Variants in ZBTB46 observed in about 807,000 individuals in gnomAD.
ZBTB46 encodes zinc finger and BTB domain containing 46.
A neutral mutation model predicts 44.1 loss-of-function variants in ZBTB46; 8 were observed. That is an observed-to-expected ratio of 0.18 (90% CI 0.11 to 0.33). The LOEUF (loss-of-function observed/expected upper bound fraction) is 0.33, where lower values mean the gene tolerates loss of function less well. ZBTB46 is among the 10% of genes least tolerant of loss of function. ZBTB46 has a pLI of 1.00. For missense variants in ZBTB46, 651 were observed against 847.7 expected, an observed-to-expected ratio of 0.77 and a Z score of 2.88; for synonymous variants, 409 against 382.3, an observed-to-expected ratio of 1.07 and a Z score of -0.81.
chr20:63,775,118 CG>C (rs1284817760), intron 3 of ZBTB46: 2 of 152,470 alleles, frequency 1.3e-5, no homozygotes, highest in African/African-American at 4.8e-5. Context: ...TCTCGGCAGG[CG>C]CGTCGTCGTT....
intron 1 of ZBTB46, among the ~76,000 whole-genome samples, chr20:63,811,665 G>A (rs1036868087): frequency 1.3e-5 from 2 of 152,118 alleles, no homozygotes; most frequent in African/African-American, 4.8e-5. Flanking sequence ...GCTGGGCGAC[G>A]GGCCAGCCGG....
intron 3 of ZBTB46, among the ~76,000 whole-genome samples, chr20:63,757,881 C>A (rs2092235863): frequency 9.8e-6 from 1 of 101,736 alleles, no homozygotes; most frequent in African/African-American, 3.8e-5. Context: ...GGCTCACACT[C>A]CCTCCACCCG....
At chr20:63,793,413 AAC>A (rs1247076843) in intron 1 of ZBTB46, among the ~76,000 whole-genome samples, 1 of 152,146 alleles carries the variant, frequency 6.6e-6, no homozygotes, top group Non-Finnish European at 1.5e-5. Context: ...AAGTGACCAA[AAC>A]ACACTTCAAA....
intron 1 of ZBTB46, among the ~76,000 whole-genome samples, chr20:63,795,174 T>C (rs1273752279): frequency 6.6e-6 from 1 of 152,230 alleles, no homozygotes; most frequent in Non-Finnish European, 1.5e-5. Flanking sequence ...CTGCTTTACT[T>C]ATATATCACG....
intron 3 of ZBTB46, among the ~76,000 whole-genome samples, chr20:63,762,694 G>C (rs1301323815): frequency 1.3e-5 from 2 of 151,086 alleles, no homozygotes; most frequent in African/African-American, 2.4e-5. Flanking sequence ...AAAACCAACT[G>C]AGCTGTTAGG....
At position 63,747,304 on chromosome 20, in the gene ZBTB46, G is replaced by A. The variant is rs1162933044; in HGVS notation, c.1399-3C>T. ...TACTTCTTGTCCTTGCTGTGGACCT[G>A]CAGAGGCAGGGCAGGGGGTGAGCAG... is the stretch of plus-strand genomic sequence containing the variant. On this transcript the variant is annotated splice_region_variant and splice_polypyrimidine_tract_variant and intron_variant, in intron 4 of 4. Coordinates refer to ENST00000245663, the MANE Select transcript of ZBTB46 (RefSeq NM_001369741.1). The A allele has an allele frequency of 2.8e-6, 4 of 1,453,620 alleles. No homozygotes were observed. The highest frequency in any genetic ancestry group is 2.4e-4 in the Middle Eastern group (1 of 4,176). The allele number at this position is 1,453,620 out of a possible 1,614,324, so 90.0% of individuals were successfully genotyped here. A position where few individuals can be genotyped will look rare whatever the true frequency, so the allele number is the denominator to read the frequency against.
chr20:63,800,211 T>C (rs1043634891), intron 1 of ZBTB46, among the ~76,000 whole-genome samples: 1 of 152,164 alleles, frequency 6.6e-6, no homozygotes. Context: ...CCACACGGAT[T>C]ATCCCACAGT....
intron 4 of ZBTB46, among the ~76,000 whole-genome samples, chr20:63,749,335 TTTTA>T (rs71333710): frequency 7.9e-5 from 12 of 151,826 alleles, no homozygotes; most frequent in Non-Finnish European, 1.3e-4. Flanking sequence ...TTTTGCTGTA[TTTTA>T]TTTATTTATT....
intron 1 of ZBTB46, among the ~76,000 whole-genome samples, chr20:63,802,520 G>T (rs1475297631): frequency 6.6e-6 from 1 of 152,060 alleles, no homozygotes; most frequent in Admixed American, 6.6e-5. Flanking sequence ...AAGCGGCAGC[G>T]GCGGAGGCCC....
At chr20:63,809,920 C>A (rs2092708088) in intron 1 of ZBTB46, among the ~76,000 whole-genome samples, 1 of 151,486 alleles carries the variant, frequency 6.6e-6, no homozygotes, top group Non-Finnish European at 1.5e-5. Flanking sequence ...CAAGATGGCA[C>A]CACTGTACTC....
At chr20:63,806,648 A>T (rs569749143) in intron 1 of ZBTB46, among the ~76,000 whole-genome samples, 1 of 152,176 alleles carries the variant, frequency 6.6e-6, no homozygotes, top group East Asian at 1.9e-4. Flanking sequence ...TGGCTCTGTC[A>T]CCCAGGCTGG....
At chr20:63,782,314 GC>G (rs1162088980) in intron 2 of ZBTB46, among the ~76,000 whole-genome samples, 2 of 152,052 alleles carry the variant, frequency 1.3e-5, no homozygotes, top group Non-Finnish European at 2.9e-5. Flanking sequence ...ACCCACCAGG[GC>G]CCCGTCAGCA....
chr20:63,818,808 G>C (rs1026885845), intron 1 of ZBTB46, among the ~76,000 whole-genome samples: 27 of 148,714 alleles, frequency 1.8e-4, no homozygotes, highest in African/African-American at 6.6e-4. Flanking sequence ...CAAGGCAGAG[G>C]TTGCAGTGAG....
chr20:63,744,966 G>C lies in ZBTB46; in HGVS notation c.*1964C>G, dbSNP rs2092074343. 1 of 152,408 alleles carries C rather than the reference G, an allele frequency of 6.6e-6. No individual in the cohort carries two copies. The highest frequency in any genetic ancestry group is 2.4e-5 in the African/African-American group (1 of 41,462). 9.4% of individuals were successfully genotyped at this position (152,408 alleles called of 1,614,324 possible). A position where few individuals can be genotyped will look rare whatever the true frequency, so the allele number is the denominator to read the frequency against. ...AAGGTCTGGTTTCCAAATGCATTTT[G>C]TAAGAAAGTCAGTCTGTTTAGAAAA... On this transcript the variant is annotated 3_prime_UTR_variant, in exon 5 of 5. Transcript: ENST00000245663.
chr20:63,789,732 G>A, intron 2 of ZBTB46, 89 bp downstream of exon 2: 10 of 1,512,626 alleles, frequency 6.6e-6, no homozygotes, highest in South Asian at 1.3e-5. Context: ...TGTGAGCCTG[G>A]ACATGCGTCA....
rs1176700985 is a variant in ZBTB46 at position 63,827,628 on chromosome 20, C to CA, written c.-34+3468dup. ...AGACTCCGTCTCAAAAAAAAAAAAA[C>CA]AAAAAAAAAAAACCACAAAAGATCT... On this transcript the variant is annotated intron_variant, in intron 1 of 4. Coordinates refer to ENST00000245663, the MANE Select transcript of ZBTB46 (RefSeq NM_001369741.1). Among the ~76,000 whole-genome samples, 1,018 of 129,780 alleles carry CA rather than the reference C, an allele frequency of 7.8e-3. 7 individuals carry two copies. Among genetic ancestry groups the CA allele is most frequent in the Admixed American group, 0.015 (193 of 13,218 alleles). 85.1% of individuals were successfully genotyped at this position (129,780 alleles called of 152,430 possible).
chr20:63,807,928 C>T (rs906972530), intron 1 of ZBTB46: 1 of 143,624 alleles, frequency 7.0e-6, no homozygotes, highest in Non-Finnish European at 1.5e-5. Flanking sequence ...ACAGGGGACA[C>T]TCACGGAAGC....
chr20:63,826,638 TG>T (rs1293214400), intron 1 of ZBTB46, among the ~76,000 whole-genome samples: 1 of 103,388 alleles, frequency 9.7e-6, no homozygotes, highest in Non-Finnish European at 1.9e-5. Flanking sequence ...GGCAGGAGAA[TG>T]GGGTGAACCC....
intron 1 of ZBTB46, among the ~76,000 whole-genome samples, chr20:63,810,860 C>T (rs1479318992): frequency 1.3e-5 from 2 of 152,226 alleles, no homozygotes; most frequent in East Asian, 3.8e-4. Context: ...GAACAGAGCG[C>T]GAACATGAGA....
Sources: allele counts gnomAD v4.1 joint callset (sites outside exome capture counted in the v4.1 genomes callset), GRCh38; gene constraint gnomAD v4.1.1; transcripts MANE v1.5; gene names NCBI Gene and HGNC (gene_info 2026-07-23, HGNC 2026-07-21).